Variants in MCUB observed in about 807,000 individuals in gnomAD.
The protein encoded by MCUB is mitochondrial calcium uniporter dominant negative subunit beta.
A neutral mutation model predicts 41.4 loss-of-function variants in MCUB; 46 were observed. The observed-to-expected ratio is 1.11, with a 90% CI of 0.88 to 1.42. The LOEUF is 1.42. Among genes scored for constraint, MCUB ranks in the 40% most tolerant of loss-of-function variants. The pLI, the probability that MCUB is intolerant of heterozygous loss-of-function variation, is 0.00. For synonymous variants in MCUB, 148 were observed against 148.2 expected (o/e 1.00, Z 0.01); for missense variants, 403 against 404.9 (o/e 1.00, Z 0.04).
At position 109,659,064 on chromosome 4, in the gene MCUB, T is replaced by C; in HGVS notation, c.153T>C (p.Tyr51=). ...GNVKYYQSHH[Y]STVVPPDEIT... Reference sequence around the variant, plus strand: ...TGAAATACTACCAGTCACACCATTATAGTACCGTGGTGCCACCTGATGGTA... The same window carrying C: ...TGAAATACTACCAGTCACACCATTACAGTACCGTGGTGCCACCTGATGGTA... The change falls in exon 2 of 8, where the codon TAT becomes TAC. Residue 51 remains tyrosine, a synonymous_variant. Coordinates refer to ENST00000394650, the MANE Select transcript of MCUB (RefSeq NM_017918.5). 6.5e-7 allele frequency: 1 copy of C among 1,532,792 alleles called. No individual in the cohort carries two copies. Among genetic ancestry groups the C allele is most frequent in the Non-Finnish European group, 8.9e-7 (1 of 1,129,696 alleles). 94.9% of individuals were successfully genotyped at this position (1,532,792 alleles called of 1,614,324 possible).
At chr4:109,641,624 AGGGTTACCACAGC>A (rs1215782633) in intron 1 of MCUB, among the ~76,000 whole-genome samples, 8 of 152,344 alleles carry the variant, frequency 5.3e-5, no homozygotes, top group African/African-American at 1.4e-4. Context: ...GCTTAGAAGC[AGGGTTACCACAGC>A]CCTTCAATTT....
At chr4:109,564,747 T>C (rs1447608002) in intron 1 of MCUB, among the ~76,000 whole-genome samples, 4 of 152,184 alleles carry the variant, frequency 2.6e-5, no homozygotes, top group Admixed American at 2.6e-4. Context: ...CAGGGCTTGG[T>C]AGTTGATGCA....
intron 1 of MCUB, among the ~76,000 whole-genome samples, chr4:109,564,683 A>T (rs1319883897): frequency 6.6e-6 from 1 of 152,210 alleles, no homozygotes; most frequent in Non-Finnish European, 1.5e-5. Flanking sequence ...AAATTATGTA[A>T]AATCAACACA....
At chr4:109,681,176 G>A (rs1729707983) in intron 4 of MCUB, among the ~76,000 whole-genome samples, 1 of 152,196 alleles carries the variant, frequency 6.6e-6, no homozygotes, top group Non-Finnish European at 1.5e-5. Context: ...TCCAAGGAAT[G>A]AGTAATTCTC....
At position 109,615,336 on chromosome 4, in the gene MCUB, C is replaced by T. The variant is rs558976488; in HGVS notation, c.100-43675C>T. Among the ~76,000 whole-genome samples, 399 of 152,078 alleles carry T rather than the reference C, an allele frequency of 2.6e-3. 3 individuals carry two copies. The highest frequency in any genetic ancestry group is 8.8e-3 in the African/African-American group (366 of 41,470). On this transcript the variant is annotated intron_variant, in intron 1 of 7. Coordinates refer to ENST00000394650, the MANE Select transcript of MCUB (RefSeq NM_017918.5). ...GAGTCTTGTGGGGAATATGGCCAAC[C>T]CAAAAGAAGAGACTTGAAGATACTG...
chr4:109,562,267 G>T (rs1034594802), intron 1 of MCUB, among the ~76,000 whole-genome samples: 2 of 152,132 alleles, frequency 1.3e-5, no homozygotes, highest in Non-Finnish European at 2.9e-5. Context: ...TAATAACAGG[G>T]AAACAGTAGT....
intron 1 of MCUB, among the ~76,000 whole-genome samples, chr4:109,632,893 G>T (rs1728506195): frequency 6.6e-6 from 1 of 152,144 alleles, no homozygotes; most frequent in Admixed American, 6.5e-5. Flanking sequence ...GGGATTACAG[G>T]CATGAGCCAC....
intron 3 of MCUB, among the ~76,000 whole-genome samples, chr4:109,663,177 C>T (rs1030814999): frequency 6.6e-6 from 1 of 152,152 alleles, no homozygotes; most frequent in Non-Finnish European, 1.5e-5. Context: ...AATGTCAGGC[C>T]GGGATTTGAA....
At chr4:109,579,776 C>G (rs1727125647) in intron 1 of MCUB, among the ~76,000 whole-genome samples, 2 of 151,984 alleles carry the variant, frequency 1.3e-5, no homozygotes, top group African/African-American at 4.8e-5. Flanking sequence ...TTAAATTTAT[C>G]CAGAGAATGA....
intron 1 of MCUB, among the ~76,000 whole-genome samples, chr4:109,644,807 T>C (rs552451165): frequency 1.2e-4 from 18 of 152,340 alleles, no homozygotes; most frequent in African/African-American, 1.7e-4. Flanking sequence ...TTTATTTCTA[T>C]AGGGTAAATT....
At chr4:109,592,290 A>G (rs1043037522) in intron 1 of MCUB, among the ~76,000 whole-genome samples, 2 of 151,770 alleles carry the variant, frequency 1.3e-5, no homozygotes, top group African/African-American at 4.8e-5. Context: ...TGTACCTGCA[A>G]TCCCAGCTAC....
intron 1 of MCUB, among the ~76,000 whole-genome samples, chr4:109,652,519 G>A (rs1728983162): frequency 6.6e-6 from 1 of 152,188 alleles, no homozygotes; most frequent in Admixed American, 6.5e-5. Context: ...ATCCAAGATT[G>A]AGAGGTCGCA....
intron 4 of MCUB, 28 bp downstream of exon 4, chr4:109,664,422 C>A: frequency 8.1e-6 from 5 of 616,258 alleles, no homozygotes; most frequent in Non-Finnish European, 1.1e-5. Context: ...CCAACTATTA[C>A]TTTTTTTTTT....
At chr4:109,614,646 G>A (rs1347209613) in intron 1 of MCUB, among the ~76,000 whole-genome samples, 1 of 149,502 alleles carries the variant, frequency 6.7e-6, no homozygotes, top group Non-Finnish European at 1.5e-5. Context: ...ATCCTAGATT[G>A]ACTGAGACCC....
chr4:109,612,849 G>C (rs918154175), intron 1 of MCUB, among the ~76,000 whole-genome samples: 6 of 152,094 alleles, frequency 3.9e-5, no homozygotes, highest in Non-Finnish European at 7.4e-5. Flanking sequence ...TCTCACGCCT[G>C]TAATCCCAGC....
At chr4:109,654,376 C>A (rs527382092) in intron 1 of MCUB, among the ~76,000 whole-genome samples, 1 of 151,880 alleles carries the variant, frequency 6.6e-6, no homozygotes, top group Non-Finnish European at 1.5e-5. Context: ...TTTGGGAGGC[C>A]GAGGCAGGCA....
At chr4:109,660,877 A>T (rs1449429182) in intron 3 of MCUB, among the ~76,000 whole-genome samples, 3 of 152,208 alleles carry the variant, frequency 2.0e-5, no homozygotes, top group Non-Finnish European at 4.4e-5. Flanking sequence ...TTAATGGAAT[A>T]AATTTAATGT....
chr4:109,656,653 G>C (rs1278187526), intron 1 of MCUB, among the ~76,000 whole-genome samples: 3 of 152,038 alleles, frequency 2.0e-5, no homozygotes, highest in African/African-American at 7.2e-5. Context: ...TTATAGGCAG[G>C]AGCCATCACG....
intron 1 of MCUB, among the ~76,000 whole-genome samples, chr4:109,593,858 C>T (rs1169579618): frequency 6.6e-6 from 1 of 152,138 alleles, no homozygotes; most frequent in Non-Finnish European, 1.5e-5. Context: ...CTCAATTTCT[C>T]CCAGGCATCA....
Sources: gnomAD v4.1 joint callset for allele counts (sites outside exome capture counted in the v4.1 genomes callset) on GRCh38, gnomAD v4.1.1 for gene constraint, MANE v1.5 for transcripts, NCBI Gene and HGNC (gene_info 2026-07-23, HGNC 2026-07-21) for gene names.